Variants in CCNF observed in about 807,000 individuals in gnomAD.
CCNF encodes the protein cyclin F.
CCNF carries 30 observed loss-of-function variants against 85.4 expected under a neutral mutation model. The observed-to-expected ratio is 0.35, with a 90% CI of 0.26 to 0.48. CCNF has a LOEUF of 0.48. Among genes scored for constraint, CCNF ranks in the 20% least tolerant of loss-of-function variants. The probability of loss-of-function intolerance (pLI) is 0.99; values close to 1 mark genes in which losing one functional copy is unlikely to be tolerated. For missense variants in CCNF, 919 were observed against 1,010.4 expected (o/e 0.91, Z 1.23); for synonymous variants, 439 against 425.1 (o/e 1.03, Z -0.40).
chr16:2,431,956 G>A (rs1307152480), intron 2 of CCNF, among the ~76,000 whole-genome samples: 2 of 151,000 alleles, frequency 1.3e-5, no homozygotes, highest in South Asian at 4.2e-4. Flanking sequence ...TCAGCCTTCC[G>A]AGTAGCTGGG....
rs375048974 is a variant in CCNF at position 2,431,260 on chromosome 16, A to G, written c.147A>G (p.Val49=). ...VLFHILKWLS[V]EDILAVRAVH... is the part of the protein sequence containing the mutation. Reference sequence around the variant, plus strand: ...TTCACATCCTGAAATGGCTTTCTGTAGAGGACATCCTGGCCGTCCGAGCTG... The same window carrying G: ...TTCACATCCTGAAATGGCTTTCTGTGGAGGACATCCTGGCCGTCCGAGCTG... Residue 49 remains valine, a synonymous_variant, in exon 2 of 17, where the codon GTA becomes GTG. Transcript: ENST00000397066. 32 of 1,613,994 alleles carry G rather than the reference A, an allele frequency of 2.0e-5. No homozygotes were observed. The highest frequency in any genetic ancestry group is 2.5e-5 in the Non-Finnish European group (29 of 1,180,022).
rs530579159 is a variant in CCNF at position 2,453,606 on chromosome 16, C to T, written c.1715+69C>T. On this transcript the variant is annotated intron_variant, in intron 15 of 16. Transcript: ENST00000397066. This position sits in a 1 kb window ranked among gnomAD's most constrained non-coding sequence, Gnocchi z 5.6. ...CCTCGTGCCGGCCCAGTTCCCTCAG[C>T]GCTTCCTCACACAGAGAGGCCCCCA... 29 of 1,592,762 alleles carry T rather than the reference C, an allele frequency of 1.8e-5. No individual in the cohort carries two copies. Among genetic ancestry groups the T allele is most frequent in the Admixed American group, 8.4e-5 (5 of 59,606 alleles).
intron 4 of CCNF, 123 bp downstream of exon 4, chr16:2,435,996 C>T (rs901436968): frequency 4.9e-6 from 3 of 615,478 alleles, no homozygotes; most frequent in Non-Finnish European, 5.9e-6. Flanking sequence ...TGGCCTGCCT[C>T]CCCATTCCCT....
In CCNF at chr16:2,453,286, T is replaced by C. The variant is rs1166506950; in HGVS notation, c.1564T>C (p.Tyr522His). 1 of 1,613,864 alleles carries C rather than the reference T, an allele frequency of 6.2e-7. No individual in the cohort carries two copies. The highest frequency in any genetic ancestry group is 8.5e-7 in the Non-Finnish European group (1 of 1,180,014). The stretch of plus-strand genomic sequence containing the variant: ...GAAGCAGCGGTTTGAGGACAAGCGC[T>C]ATGGAGAAATCAGCCAGGAAGAGGT... ...AVKQRFEDKR[Y>H]GEISQEEVLS... Residue 522 changes from tyrosine (Y) to histidine (H), a missense_variant, in exon 14 of 17, where the codon TAT (tyrosine) becomes CAT (histidine). Coordinates refer to ENST00000397066, the MANE Select transcript of CCNF (RefSeq NM_001761.3). The surrounding 1 kb of genome is among the most constrained non-coding windows in gnomAD (Gnocchi z 5.6).
At chr16:2,433,184 T>C in intron 3 of CCNF, 117 bp downstream of exon 3, 2 of 660,994 alleles carry the variant, frequency 3.0e-6, no homozygotes, top group African/African-American at 1.8e-5. Flanking sequence ...TCCCATGACA[T>C]TGCCTCATAC....
chr16:2,431,088 A>G lies in CCNF; in HGVS notation c.17-42A>G, dbSNP rs755670344. ...CCCTTCAAGGGTGTGTATATAGAAT[A>G]ATTTTTCATCTTATCAAGGCTTCTG... On this transcript the variant is annotated intron_variant, in intron 1 of 16. Coordinates refer to ENST00000397066, the MANE Select transcript of CCNF (RefSeq NM_001761.3). 9 of 1,604,934 alleles carry G rather than the reference A, an allele frequency of 5.6e-6. No homozygotes were observed. In the South Asian group the frequency reaches 9.9e-5, roughly 18 times the overall value.
Position 2,449,861 on chromosome 16 carries a change from C to T in CCNF, c.1433C>T (p.Thr478Ile), listed in dbSNP as rs760280974. ...TGGACCACTCAGCTGTGGGACCTCA[C>T]CGGATTCTCCTATGAAGACCTCATT... ...QPWTTQLWDLTGFSYEDLIPC... is the reference protein window; with the variant it reads ...QPWTTQLWDLIGFSYEDLIPC... The change falls in exon 13 of 17, where the codon ACC becomes ATC. Residue 478 changes from threonine (T) to isoleucine (I), a missense_variant. By Grantham distance (89) the Thr-to-Ile change is moderately conservative (BLOSUM62 -1). Coordinates refer to ENST00000397066, the MANE Select transcript of CCNF (RefSeq NM_001761.3). The T allele has an allele frequency of 1.3e-6, 2 of 1,547,186 alleles. No homozygotes were observed. Among genetic ancestry groups the T allele is most frequent in the Non-Finnish European group, 1.7e-6 (2 of 1,143,784 alleles).
chr16:2,438,211 G>T (rs913733855), intron 6 of CCNF, 88 bp downstream of exon 6: 7 of 960,172 alleles, frequency 7.3e-6, no homozygotes, highest in Admixed American at 6.8e-5. Flanking sequence ...AGAAGGGGGT[G>T]TCCAAGGCCC....
Position 2,457,124 on chromosome 16 carries a change from C to T in CCNF, c.*104C>T, listed in dbSNP as rs1315920422. The T allele has an allele frequency of 3.8e-6, 3 of 794,842 alleles. No homozygotes were observed. The highest frequency in any genetic ancestry group is 6.5e-5 in the Admixed American group (2 of 30,720). The allele number at this position is 794,842 out of a possible 1,614,324, so 49.2% of individuals were successfully genotyped here. ...TGCATAGACCATGGAGGCCTTTGCG[C>T]AGAGAGCAGAGAGGATGACTTGCGG... On this transcript the variant is annotated 3_prime_UTR_variant, in exon 17 of 17. Coordinates refer to ENST00000397066, the MANE Select transcript of CCNF (RefSeq NM_001761.3).
Position 2,457,365 on chromosome 16 carries a change from C to G in CCNF, c.*345C>G, listed in dbSNP as rs974687658. 7 of 199,878 alleles carry G rather than the reference C, an allele frequency of 3.5e-5. No homozygotes were observed. Among genetic ancestry groups the G allele is most frequent in the African/African-American group, 1.4e-4 (6 of 43,062 alleles). 12.4% of individuals were successfully genotyped at this position (199,878 alleles called of 1,614,324 possible). A position where few individuals can be genotyped will look rare whatever the true frequency, so the allele number is the denominator to read the frequency against. Reference sequence around the variant, plus strand: ...TTCCCAGCCCCACCAGAGCCCCGTGCCGGGAGCTGACAGCTTTCACGCTTA... The same window carrying G: ...TTCCCAGCCCCACCAGAGCCCCGTGGCGGGAGCTGACAGCTTTCACGCTTA... On this transcript the variant is annotated 3_prime_UTR_variant, in exon 17 of 17. Transcript: ENST00000397066.
In CCNF at chr16:2,456,956, A is replaced by G. The variant is rs768080881; in HGVS notation, c.2297A>G (p.Lys766Arg). The change falls in exon 17 of 17, where the codon AAG becomes AGG. Residue 766 changes from lysine (K) to arginine (R), a missense_variant. This residue lies in a region of CCNF where 505 missense variants were observed against 514.8 expected (regional missense o/e 0.98). Transcript: ENST00000397066. The surrounding 1 kb of genome is among the most constrained non-coding windows in gnomAD (Gnocchi z 4.5). ...PESSVPQQQV[K>R]RINLCIHSEE... ...AGCAGTGTTCCCCAGCAACAGGTGA[A>G]GCGGATAAACCTATGCATACACAGT... The G allele has an allele frequency of 6.2e-7, 1 of 1,613,118 alleles. No individual in the cohort carries two copies. Among genetic ancestry groups the G allele is most frequent in the Non-Finnish European group, 8.5e-7 (1 of 1,179,504 alleles).
At chr16:2,440,772 C>G (rs2065316953) in intron 8 of CCNF, among the ~76,000 whole-genome samples, 1 of 151,936 alleles carries the variant, frequency 6.6e-6, no homozygotes, top group Non-Finnish European at 1.5e-5. Context: ...TTGTGGTGTT[C>G]ACGTCCAAAA....
In CCNF at chr16:2,432,929, A is replaced by G. The variant is rs751330256; in HGVS notation, c.172-32A>G. 1.5e-5 allele frequency: 21 copies of G among 1,420,852 alleles called. No homozygotes were observed. In the South Asian group the frequency reaches 2.4e-4, roughly 16 times the overall value. The allele number at this position is 1,420,852 out of a possible 1,614,324, so 88.0% of individuals were successfully genotyped here. On this transcript the variant is annotated intron_variant, in intron 2 of 16. Coordinates refer to ENST00000397066, the MANE Select transcript of CCNF (RefSeq NM_001761.3). ...TGTGGGGCTTTTGGGTGGTGCCTCC[A>G]TCACCCAGCCCCGGCCCCCGTTGTT...
In CCNF at chr16:2,435,847, G is replaced by T; in HGVS notation, c.320G>T (p.Gly107Val). The T allele has an allele frequency of 6.2e-7, 1 of 1,613,714 alleles. No individual in the cohort carries two copies. Among genetic ancestry groups the T allele is most frequent in the Non-Finnish European group, 8.5e-7 (1 of 1,179,748 alleles). ...AATTTCGAAGCTGCTGTGAAGCTGG[G>T]CATAGCCTACCTCTACAATGAAGGC... ...KGNFEAAVKL[G>V]IAYLYNEGLS... The change falls in exon 4 of 17, where the codon GGC (glycine) becomes GTC (valine). Residue 107 changes from glycine to valine, a missense_variant. Around this residue, in one of 3 missense-constraint regions of CCNF, gnomAD observed 410 missense variants for 478.6 expected, o/e 0.86. Coordinates refer to ENST00000397066, the MANE Select transcript of CCNF (RefSeq NM_001761.3).
rs780195674 is a variant in CCNF at position 2,449,447 on chromosome 16, C to T, written c.1384C>T (p.Leu462=). 37 of 1,605,724 alleles carry T rather than the reference C, an allele frequency of 2.3e-5. No homozygotes were observed. Among genetic ancestry groups the T allele is most frequent in the African/African-American group, 2.7e-5 (2 of 74,936 alleles). The change falls in exon 12 of 17, where the codon CTG becomes TTG. Residue 462 remains leucine (L), a synonymous_variant. Transcript: ENST00000397066. ...TGCCGCAGCCCTGCTCCTGGCCAGA[C>T]TGACGCACGGGCAGAGTAAGGAGTG... ...LAAAALLLAR[L]THGQTQPWTT... is the part of the protein sequence containing the mutation.
Position 2,458,522 on chromosome 16 carries a change from T to A in CCNF, c.*1502T>A, listed in dbSNP as rs1451498275. 1.3e-5 allele frequency: 2 copies of A among 152,338 alleles called. No individual in the cohort carries two copies. Among genetic ancestry groups the A allele is most frequent in the Admixed American group, 1.3e-4 (2 of 15,282 alleles). The allele number at this position is 152,338 out of a possible 1,614,324, so 9.4% of individuals were successfully genotyped here. Reference sequence around the variant, plus strand: ...ACTTCGGTCTCCCAAAGTGCTGGGATTACAGGCATGAGCCACGGCGCCTGG... The same window carrying A: ...ACTTCGGTCTCCCAAAGTGCTGGGAATACAGGCATGAGCCACGGCGCCTGG... On this transcript the variant is annotated 3_prime_UTR_variant, in exon 17 of 17. Coordinates refer to ENST00000397066, the MANE Select transcript of CCNF (RefSeq NM_001761.3).
chr16:2,434,800 T>C (rs996579387), intron 3 of CCNF, among the ~76,000 whole-genome samples: 2 of 152,146 alleles, frequency 1.3e-5, no homozygotes, highest in Admixed American at 6.5e-5. Context: ...CAACCCCTAA[T>C]TGATTTTCTG....
chr16:2,437,189 G>A lies in CCNF; in HGVS notation c.407G>A (p.Ser136Asn). ...GGCCTGAAGGCCTCTCGCTTCTTCA[G>A]TCTCGCTGAGCGGCTGAATGTGGGT... ...VNGLKASRFFSLAERLNVGAA... is the reference protein window; with the variant it reads ...VNGLKASRFFNLAERLNVGAA... The change falls in exon 5 of 17, where the codon AGT becomes AAT. Residue 136 changes from serine (S) to asparagine (N), a missense_variant. Transcript: ENST00000397066. The A allele has an allele frequency of 6.2e-7, 1 of 1,612,608 alleles. No homozygotes were observed. The highest frequency in any genetic ancestry group is 8.5e-7 in the Non-Finnish European group (1 of 1,179,024).
At position 2,437,205 on chromosome 16, in the gene CCNF, G is replaced by C; in HGVS notation, c.423G>C (p.Leu141=). The change falls in exon 5 of 17, where the codon CTG becomes CTC. Residue 141 remains leucine, a synonymous_variant. Coordinates refer to ENST00000397066, the MANE Select transcript of CCNF (RefSeq NM_001761.3). ...ASRFFSLAER[L]NVGAAPFIWL... ...GCTTCTTCAGTCTCGCTGAGCGGCT[G>C]AATGTGGGTGCCGCACCTTTCATCT... 3.1e-6 allele frequency: 5 copies of C among 1,613,056 alleles called. No homozygotes were observed. Among genetic ancestry groups the C allele is most frequent in the Non-Finnish European group, 4.2e-6 (5 of 1,179,470 alleles).
Sources: gnomAD v4.1 joint callset for allele counts (sites outside exome capture counted in the v4.1 genomes callset) on GRCh38, gnomAD v4.1.1 for gene constraint, gnomAD v4.1.1 regional missense constraint, Gnocchi (gnomAD v3.1) non-coding constraint, MANE v1.5 for transcripts, NCBI Gene and HGNC (gene_info 2026-07-23, HGNC 2026-07-21) for gene names.